Variants in PHLPP2 observed in about 807,000 individuals in gnomAD.
PHLPP2 encodes the protein PH domain leucine-rich repeat-containing protein phosphatase 2.
A neutral mutation model predicts 124.9 loss-of-function variants in PHLPP2; 66 were observed. The ratio of observed to expected loss-of-function variants is 0.53; its 90% CI spans 0.43 to 0.65. The LOEUF (loss-of-function observed/expected upper bound fraction) is 0.65, where lower values mean the gene tolerates loss of function less well. Among genes scored for constraint, PHLPP2 ranks in the 30% least tolerant of loss-of-function variants. The probability of loss-of-function intolerance (pLI) is 0.00; values close to 1 mark genes in which losing one functional copy is unlikely to be tolerated. For synonymous variants in PHLPP2, 681 were observed against 624.7 expected (o/e 1.09, Z -1.34); for missense variants, 1,685 against 1,600.4 (o/e 1.05, Z -0.90).
chr16:71,722,010 G>A (rs888579860), intron 1 of PHLPP2, among the ~76,000 whole-genome samples: 1 of 152,162 alleles, frequency 6.6e-6, no homozygotes. Context: ...TTACAAAAAA[G>A]AATGAAGTTT....
At chr16:71,723,819 G>A (rs1381966913) in intron 1 of PHLPP2, 1 of 1,260,794 alleles carries the variant, frequency 7.9e-7, no homozygotes, top group Admixed American at 4.2e-5. Context: ...GCTTCGGGCG[G>A]CTCCGGGGGC....
rs142408105 is a variant in PHLPP2, at chr16:71,669,325, C to G, written c.1578G>C (p.Lys526Asn). Residue 526 changes from lysine (K) to asparagine (N), a missense_variant, in exon 11 of 19, where the codon AAG becomes AAC. Transcript: ENST00000568954. Reference sequence around the variant, plus strand: ...TATAGCTCACATCTAATACTTCTATCTTCTTTGCTTCACAGGCCCAGTCAG... The same window carrying G: ...TATAGCTCACATCTAATACTTCTATGTTCTTTGCTTCACAGGCCCAGTCAG... ...CVPDWACEAKKIEVLDVSYNL... is the reference protein window; with the variant it reads ...CVPDWACEAKNIEVLDVSYNL... 2.5e-5 allele frequency: 40 copies of G among 1,612,646 alleles called. No individual in the cohort carries two copies. Among genetic ancestry groups the G allele is most frequent in the Admixed American group, 5.0e-5 (3 of 60,004 alleles).
rs1045589860 is a variant in PHLPP2 at position 71,649,734 on chromosome 16, T to G, written c.3128A>C (p.Glu1043Ala). ...LNIGEEGCTC[E>A]MNGLTLPGPV... Reference sequence around the variant, plus strand: ...ACCTGGGAGGGTGAGCCCATTCATTTCACAAGTGCAGCCTTCCTCACCAAT... The same window carrying G: ...ACCTGGGAGGGTGAGCCCATTCATTGCACAAGTGCAGCCTTCCTCACCAAT... The change falls in exon 19 of 19, where the codon GAA (glutamate) becomes GCA (alanine). Residue 1043 changes from glutamate (E) to alanine (A), a missense_variant. Glu to Ala is a moderately radical substitution (Grantham distance 107). Coordinates refer to ENST00000568954, the MANE Select transcript of PHLPP2 (RefSeq NM_015020.3). 2 of 1,614,082 alleles carry G rather than the reference T, an allele frequency of 1.2e-6. No individual in the cohort carries two copies. The highest frequency in any genetic ancestry group is 2.7e-5 in the African/African-American group (2 of 74,928).
chr16:71,691,139 C>T (rs1470727493), intron 3 of PHLPP2, among the ~76,000 whole-genome samples: 1 of 152,092 alleles, frequency 6.6e-6, no homozygotes, highest in Non-Finnish European at 1.5e-5. Context: ...CACAACCTAC[C>T]TTCTGGGGAT....
chr16:71,676,039 CTTTT>C (rs953821374), intron 9 of PHLPP2, among the ~76,000 whole-genome samples: 1 of 148,910 alleles, frequency 6.7e-6, no homozygotes, highest in Non-Finnish European at 1.5e-5. Context: ...CTCCTTTTGA[CTTTT>C]TTTTTTACCC....
intron 3 of PHLPP2, among the ~76,000 whole-genome samples, chr16:71,694,087 G>C (rs563718838): frequency 1.3e-5 from 2 of 151,734 alleles, no homozygotes; most frequent in African/African-American, 2.4e-5. Flanking sequence ...TCAGCTACTC[G>C]GGAGGCTGAG....
chr16:71,701,714 G>T (rs1205166637), intron 3 of PHLPP2, among the ~76,000 whole-genome samples: 1 of 151,216 alleles, frequency 6.6e-6, no homozygotes, highest in Non-Finnish European at 1.5e-5. Flanking sequence ...CTGTGGTCTT[G>T]CTTTCCAAGG....
At chr16:71,664,642 C>A (rs1193417889) in intron 12 of PHLPP2, among the ~76,000 whole-genome samples, 1 of 152,092 alleles carries the variant, frequency 6.6e-6, no homozygotes, top group Non-Finnish European at 1.5e-5. Context: ...GTCCCAGCTA[C>A]TCGGGAGGCT....
intron 2 of PHLPP2, among the ~76,000 whole-genome samples, chr16:71,703,056 T>G (rs2045246859): frequency 6.6e-6 from 1 of 152,194 alleles, no homozygotes; most frequent in African/African-American, 2.4e-5. Flanking sequence ...TGTTTCTGAG[T>G]TATTTCACTG....
intron 1 of PHLPP2, among the ~76,000 whole-genome samples, chr16:71,718,097 T>C (rs924974560): frequency 1.3e-5 from 2 of 152,120 alleles, no homozygotes; most frequent in Non-Finnish European, 2.9e-5. Context: ...CTTGCTATGT[T>C]GCCCAGGCTG....
At chr16:71,679,024 G>A (rs756390026) in intron 7 of PHLPP2, 39 bp from the exon 8 acceptor site, 12 of 1,125,398 alleles carry the variant, frequency 1.1e-5, no homozygotes, top group Non-Finnish European at 1.6e-5. Flanking sequence ...TTTATGAAAG[G>A]TTTCACTGGA....
intron 8 of PHLPP2, 57 bp downstream of exon 8, chr16:71,678,698 G>T: frequency 1.1e-6 from 1 of 887,444 alleles, no homozygotes; most frequent in Non-Finnish European, 1.9e-6. Context: ...ATAAACAGAA[G>T]ACATAAAGGT....
At chr16:71,711,002 T>C (rs779539495) in intron 2 of PHLPP2, among the ~76,000 whole-genome samples, 6 of 151,682 alleles carry the variant, frequency 4.0e-5, no homozygotes, top group Non-Finnish European at 7.4e-5. Context: ...CTATTAAAAC[T>C]GGTGTCTAAA....
chr16:71,686,147 T>C (rs2045053370), intron 4 of PHLPP2, among the ~76,000 whole-genome samples: 2 of 152,212 alleles, frequency 1.3e-5, no homozygotes, highest in South Asian at 2.1e-4. Flanking sequence ...TCAGTCTTAC[T>C]GAGGTATAAC....
rs1312730840 is a variant in PHLPP2 at position 71,717,233 on chromosome 16, A to G, written c.-6-2432T>C. On this transcript the variant is annotated intron_variant, in intron 1 of 18. Transcript: ENST00000568954. ...TACAGCAAATACTATTTTTATAATT[A>G]CTAAGATTAAATATTTGAGGGTAAT... is the stretch of plus-strand genomic sequence containing the variant. Among the ~76,000 whole-genome samples, 5 of 152,366 alleles carry G rather than the reference A, an allele frequency of 3.3e-5. No homozygotes were observed. In the East Asian group the frequency reaches 7.7e-4, roughly 23 times the overall value.
chr16:71,679,697 G>A (rs1032971247), intron 6 of PHLPP2, among the ~76,000 whole-genome samples, 162 bp from the exon 7 acceptor site: 1 of 152,112 alleles, frequency 6.6e-6, no homozygotes, highest in Admixed American at 6.6e-5. Context: ...CACTGAGTGG[G>A]GACAGAGGAC....
intron 2 of PHLPP2, 106 bp downstream of exon 2, chr16:71,714,406 T>A: frequency 7.2e-7 from 1 of 1,390,546 alleles, no homozygotes; most frequent in Non-Finnish European, 9.4e-7. Flanking sequence ...GAGTCCGTAA[T>A]CAACATCAGT....
intron 3 of PHLPP2, among the ~76,000 whole-genome samples, chr16:71,695,608 G>T (rs982332733): frequency 6.6e-5 from 10 of 152,058 alleles, no homozygotes; most frequent in African/African-American, 1.5e-4. Flanking sequence ...TAGTTGGGAG[G>T]CTGAGGCAGC....
rs1394778598 is a variant in PHLPP2, at chr16:71,645,193, A to G, written c.*3697T>C. 6.1e-6 allele frequency: 1 copy of G among 164,150 alleles called. No homozygotes were observed. Among genetic ancestry groups the G allele is most frequent in the African/African-American group, 2.4e-5 (1 of 41,538 alleles). The allele number at this position is 164,150 out of a possible 1,614,324, so 10.2% of individuals were successfully genotyped here. A position where few individuals can be genotyped will look rare whatever the true frequency, so the allele number is the denominator to read the frequency against. ...AGAAAACCCTATAGCATCTGGGAGA[A>G]GTGCATGAAATTTAGAATACAAGGA... On this transcript the variant is annotated 3_prime_UTR_variant, in exon 19 of 19. Coordinates refer to ENST00000568954, the MANE Select transcript of PHLPP2 (RefSeq NM_015020.3).
Sources: allele counts gnomAD v4.1 joint callset (sites outside exome capture counted in the v4.1 genomes callset), GRCh38; gene constraint gnomAD v4.1.1; transcripts MANE v1.5; gene names NCBI Gene and HGNC (gene_info 2026-07-23, HGNC 2026-07-21).